The following ZNF518A variants were observed in gnomAD, a reference collection of about 807,000 sequenced individuals.
ZNF518A encodes the protein zinc finger protein 518A.
ZNF518A carries 47 observed loss-of-function variants against 102.7 expected under a neutral mutation model. That is an observed-to-expected ratio of 0.46 (90% CI 0.36 to 0.58). The LOEUF is 0.58. Ranked by LOEUF, ZNF518A falls within the 20% of genes least tolerant of loss-of-function variation. The probability of loss-of-function intolerance (pLI) is 0.00; values close to 1 mark genes in which losing one functional copy is unlikely to be tolerated. For synonymous variants in ZNF518A, 652 were observed against 594.6 expected, an observed-to-expected ratio of 1.10 and a Z score of -1.40; for missense variants, 1,793 against 1,699.8, an observed-to-expected ratio of 1.05 and a Z score of -0.96.
At chr10:96,167,807 AT>A (rs782051603), downstream of ZNF518A, among the ~76,000 whole-genome samples, 7 of 152,262 alleles carry the variant, frequency 4.6e-5, no homozygotes, top group Non-Finnish European at 7.3e-5. Context: ...CTTACAAAAA[AT>A]GTAAGTATTT....
chr10:96,146,836 G>A (rs782222074), intron 3 of ZNF518A, among the ~76,000 whole-genome samples: 2 of 152,110 alleles, frequency 1.3e-5, no homozygotes, highest in Non-Finnish European at 2.9e-5. Context: ...TTGAAAATTT[G>A]GTAGCAAGCC....
chr10:96,151,121 C>G (rs77418133), intron 3 of ZNF518A, among the ~76,000 whole-genome samples: 1 of 152,054 alleles, frequency 6.6e-6, no homozygotes, highest in Admixed American at 6.5e-5. Context: ...TCTGAGGGTT[C>G]AGATTATTTT....
chr10:96,176,414 T>C (rs189144671), intron 1 of ZNF518A, among the ~76,000 whole-genome samples: 1 of 152,172 alleles, frequency 6.6e-6, no homozygotes, highest in African/African-American at 2.4e-5. Context: ...ATGATAAACC[T>C]AAAGGTCCAA....
At chr10:96,197,658 G>C (rs2083503463) in intron 1 of ZNF518A, among the ~76,000 whole-genome samples, 1 of 152,072 alleles carries the variant, frequency 6.6e-6, no homozygotes, top group Non-Finnish European at 1.5e-5. Flanking sequence ...AACAGAGGTT[G>C]GGAATCAAAA....
Position 96,189,892 on chromosome 10 carries a change from A to G in ZNF518A, n.36-13682A>G. 8 of 1,052,928 alleles carry G rather than the reference A, an allele frequency of 7.6e-6. No individual in the cohort carries two copies. The South Asian group carries it at 9.9e-5, about 13-fold the overall frequency. The allele number at this position is 1,052,928 out of a possible 1,614,324, so 65.2% of individuals were successfully genotyped here. ...CAGCTACTAAATGCTGTCCACTAAT[A>G]TGCACTGGCCCTGAACCACACTTCA... On this transcript the variant is annotated intron_variant and non_coding_transcript_variant, in intron 1 of 2. Transcript: ENST00000442635.
At chr10:96,184,445 G>T (rs185171568) in intron 1 of ZNF518A, among the ~76,000 whole-genome samples, 1 of 152,200 alleles carries the variant, frequency 6.6e-6, no homozygotes, top group Non-Finnish European at 1.5e-5. Flanking sequence ...GGTATTGGTT[G>T]TTCCTTTCCA....
chr10:96,133,755 C>T (rs1476222889), intron 3 of ZNF518A, 107 bp downstream of exon 3: 20 of 152,272 alleles, frequency 1.3e-4, no homozygotes, highest in African/African-American at 4.8e-4. Flanking sequence ...CTTTAATTAT[C>T]ATAATAACCG....
rs1406201187 is a variant in ZNF518A, at chr10:96,158,318, G to A, written c.1996G>A (p.Glu666Lys). The A allele has an allele frequency of 6.2e-7, 1 of 1,613,630 alleles. No homozygotes were observed. Among genetic ancestry groups the A allele is most frequent in the Non-Finnish European group, 8.5e-7 (1 of 1,179,768 alleles). ...GTAVYENPQR[E>K]SSSSKTVVQQ... ...AGCAGTGTATGAAAACCCTCAAAGA[G>A]AATCTTCATCCAGCAAAACAGTTGT... The change falls in exon 6 of 6, where the codon GAA becomes AAA. Residue 666 changes from glutamate (E) to lysine (K), a missense_variant. Transcript: ENST00000316045.
At chr10:96,182,444 T>C (rs1461944931) in intron 1 of ZNF518A, among the ~76,000 whole-genome samples, 2 of 152,236 alleles carry the variant, frequency 1.3e-5, no homozygotes, top group African/African-American at 4.8e-5. Flanking sequence ...TTTTTGCCCA[T>C]TCAGTATGAT....
chr10:96,155,054 CATAT>C (rs150259641), intron 3 of ZNF518A, among the ~76,000 whole-genome samples: 111 of 150,330 alleles, frequency 7.4e-4, no homozygotes, highest in African/African-American at 2.5e-3. Context: ...TCTATTCATA[CATAT>C]ATATATATAT....
intron 3 of ZNF518A, among the ~76,000 whole-genome samples, chr10:96,143,530 C>G (rs1554877342): frequency 6.6e-6 from 1 of 152,196 alleles, no homozygotes; most frequent in Admixed American, 6.5e-5. Flanking sequence ...CAAAACCTAC[C>G]TTTCTGTGAA....
At chr10:96,199,611 T>A in intron 1 of ZNF518A, 1 of 440,270 alleles carries the variant, frequency 2.3e-6, no homozygotes, top group Admixed American at 2.5e-5. Flanking sequence ...TTCTCTTGAG[T>A]AAGTAAAGGA....
intron 1 of ZNF518A, among the ~76,000 whole-genome samples, chr10:96,182,767 G>T (rs782759188): frequency 6.6e-6 from 1 of 152,312 alleles, no homozygotes; most frequent in African/African-American, 2.4e-5. Flanking sequence ...TATTCATCAA[G>T]GCTATTGCTC....
rs782324766 is a variant in ZNF518A, at chr10:96,158,257, G to A, written c.1935G>A (p.Val645=). 1 of 1,613,500 alleles carries A rather than the reference G, an allele frequency of 6.2e-7. No individual in the cohort carries two copies. Among genetic ancestry groups the A allele is most frequent in the South Asian group, 1.1e-5 (1 of 91,036 alleles). The change falls in exon 6 of 6, where the codon GTG becomes GTA. Residue 645 remains valine (V), a synonymous_variant. Transcript: ENST00000316045. ...GSLPFHNYSK[V]NNSNKRRRFS... ...TACCTTTTCATAATTACTCAAAAGT[G>A]AATAATTCTAATAAACGTCGTAGGT... is the stretch of plus-strand genomic sequence containing the variant.
In ZNF518A at chr10:96,130,697, C is replaced by T. The variant is rs2081286331; in HGVS notation, c.-508C>T. On this transcript the variant is annotated 5_prime_UTR_variant, in exon 1 of 6. Coordinates refer to ENST00000316045, the MANE Select transcript of ZNF518A (RefSeq NM_001330736.2). ...AGCGTATGGTCATTGGGGGCCATTT[C>T]TTGCAGAGATGCCCTGCTCCCTGAC... The T allele has an allele frequency of 1.3e-5, 2 of 152,362 alleles. No homozygotes were observed. The highest frequency in any genetic ancestry group is 4.1e-4 in the South Asian group (2 of 4,836). The allele number at this position is 152,362 out of a possible 1,614,324, so 9.4% of individuals were successfully genotyped here.
At position 96,158,901 on chromosome 10, in the gene ZNF518A, G is replaced by A. The variant is rs1554885233; in HGVS notation, c.2579G>A (p.Gly860Glu). 1.2e-6 allele frequency: 2 copies of A among 1,613,364 alleles called. No individual in the cohort carries two copies. Among genetic ancestry groups the A allele is most frequent in the Non-Finnish European group, 1.7e-6 (2 of 1,179,676 alleles). ...VPTNDLNLKF[G>E]KEKQVSSIPQ... The stretch of plus-strand genomic sequence containing the variant: ...ACAAATGATTTGAATTTGAAATTTG[G>A]AAAAGAAAAACAAGTGTCATCAATA... Residue 860 changes from glycine to glutamate, a missense_variant, in exon 6 of 6, where the codon GGA becomes GAA. Physicochemically the swap from Gly to Glu is moderately conservative, Grantham distance 98. Transcript: ENST00000316045.
At chr10:96,177,078 CAAAA>C (rs141613606) in intron 1 of ZNF518A, among the ~76,000 whole-genome samples, 39,951 of 125,498 alleles carry the variant, frequency 0.32, 6,539 homozygotes, top group East Asian at 0.65. Flanking sequence ...GTCTCTGTCT[CAAAA>C]AAAAAAAAAA....
chr10:96,162,185 T>G lies in ZNF518A; in HGVS notation c.*1411T>G, dbSNP rs2083026605. 6.0e-6 allele frequency: 1 copy of G among 166,972 alleles called. No individual in the cohort carries two copies. The allele number at this position is 166,972 out of a possible 1,614,324, so 10.3% of individuals were successfully genotyped here. On this transcript the variant is annotated 3_prime_UTR_variant, in exon 6 of 6. Coordinates refer to ENST00000316045, the MANE Select transcript of ZNF518A (RefSeq NM_001330736.2). ...TCTGTACATATTTTTGTACCTTTTA[T>G]GTAAATTTTGCACAGAAATTTTTGG...
intron 3 of ZNF518A, among the ~76,000 whole-genome samples, chr10:96,139,993 G>T (rs1554875876): frequency 6.6e-6 from 1 of 152,050 alleles, no homozygotes; most frequent in Non-Finnish European, 1.5e-5. Flanking sequence ...TGAGTAGCCG[G>T]GATTACAGGC....
Sources: gnomAD v4.1 joint callset for allele counts (sites outside exome capture counted in the v4.1 genomes callset) on GRCh38, gnomAD v4.1.1 for gene constraint, MANE v1.5 for transcripts, NCBI Gene and HGNC (gene_info 2026-07-23, HGNC 2026-07-21) for gene names.